The following PIBF1 variants were observed in gnomAD, a reference collection of about 807,000 sequenced individuals.
The protein encoded by PIBF1 is progesterone-induced-blocking factor 1.
In PIBF1, 90 loss-of-function variants were observed where a neutral mutation model predicts 112.5. The ratio of observed to expected loss-of-function variants is 0.80; its 90% CI spans 0.67 to 0.95. The LOEUF (loss-of-function observed/expected upper bound fraction) is 0.95. PIBF1 is among the 40% of genes least tolerant of loss of function. The probability of loss-of-function intolerance (pLI) is 0.00; values close to 1 mark genes in which losing one functional copy is unlikely to be tolerated. For missense variants in PIBF1, 915 were observed against 852.3 expected, an observed-to-expected ratio of 1.07 and a Z score of -0.92; for synonymous variants, 301 against 288.6, an observed-to-expected ratio of 1.04 and a Z score of -0.44.
intron 17 of PIBF1, among the ~76,000 whole-genome samples, 173 bp from the exon 18 acceptor site, chr13:73,015,693 GATT>G (rs2044362717): frequency 6.6e-6 from 1 of 152,166 alleles, no homozygotes; most frequent in Non-Finnish European, 1.5e-5. Context: ...CCAGGTGGGA[GATT>G]ATTTATGGCA....
At chr13:72,918,618 C>T (rs2041183168) in intron 13 of PIBF1, among the ~76,000 whole-genome samples, 1 of 151,880 alleles carries the variant, frequency 6.6e-6, no homozygotes, top group South Asian at 2.1e-4. Context: ...GAACTCCTGG[C>T]CTTGGCCTCA....
chr13:72,915,405 C>T (rs1481353374), intron 12 of PIBF1, among the ~76,000 whole-genome samples: 1 of 152,166 alleles, frequency 6.6e-6, no homozygotes, highest in African/African-American at 2.4e-5. Flanking sequence ...GTAGCATTGA[C>T]CAAGTTGTAT....
intron 10 of PIBF1, among the ~76,000 whole-genome samples, chr13:72,891,497 A>C (rs1388618143): frequency 2.7e-5 from 2 of 75,298 alleles, no homozygotes; most frequent in African/African-American, 6.2e-5. Flanking sequence ...TTTTTTTAGT[A>C]AAAGGTATTT....
At chr13:72,943,982 T>A (rs575987876) in intron 14 of PIBF1, among the ~76,000 whole-genome samples, 1 of 152,332 alleles carries the variant, frequency 6.6e-6, no homozygotes, top group Non-Finnish European at 1.5e-5. Context: ...AACTGGCATA[T>A]GTTAATCACT....
At chr13:72,828,744 C>T (rs9543133) in intron 8 of PIBF1, among the ~76,000 whole-genome samples, 16,796 of 152,182 alleles carry the variant, frequency 0.11, 1,269 homozygotes, top group Non-Finnish European at 0.17. Flanking sequence ...AGTAAACATA[C>T]GTGTGCATGT....
chr13:73,003,816 C>T (rs979928504), intron 17 of PIBF1, among the ~76,000 whole-genome samples: 2 of 152,156 alleles, frequency 1.3e-5, no homozygotes, highest in South Asian at 2.1e-4. Context: ...CTCAAGTGAT[C>T]CTCCCAACTC....
intron 4 of PIBF1, among the ~76,000 whole-genome samples, chr13:72,796,951 T>C (rs1490682741): frequency 6.6e-6 from 1 of 152,208 alleles, no homozygotes; most frequent in East Asian, 1.9e-4. Flanking sequence ...TACCGTCATA[T>C]GTTAAGGAGT....
chr13:72,837,510 A>G (rs897925175), intron 9 of PIBF1, among the ~76,000 whole-genome samples: 8 of 152,118 alleles, frequency 5.3e-5, no homozygotes, highest in African/African-American at 1.9e-4. Context: ...GTTTGCATGT[A>G]TGTGTATAAA....
chr13:72,803,249 GTTTTGTTTTTTGTT>G (rs996471478), intron 5 of PIBF1, among the ~76,000 whole-genome samples: 1 of 139,934 alleles, frequency 7.1e-6, no homozygotes, highest in African/African-American at 3.0e-5. Context: ...TTGTTTTTTT[GTTTTGTTTTTTGTT>G]TTTTGTTTTT....
At chr13:72,786,252 T>A (rs945133221) in intron 2 of PIBF1, among the ~76,000 whole-genome samples, 4 of 152,208 alleles carry the variant, frequency 2.6e-5, no homozygotes, top group African/African-American at 7.2e-5. Context: ...TTTTCTAGTT[T>A]GACTGAAAAT....
At chr13:72,881,813 T>G (rs1394541001) in intron 10 of PIBF1, among the ~76,000 whole-genome samples, 1 of 152,008 alleles carries the variant, frequency 6.6e-6, no homozygotes, top group Non-Finnish European at 1.5e-5. Flanking sequence ...AAAGATATAT[T>G]CCATGTTCAT....
intron 8 of PIBF1, 48 bp from the exon 9 acceptor site, chr13:72,835,195 A>T (rs773049747): frequency 6.9e-7 from 1 of 1,446,168 alleles, no homozygotes; most frequent in Admixed American, 2.6e-5. Context: ...GCAAAAGCCT[A>T]TTTGTTTCAA....
At chr13:72,994,122 A>T (rs1260950306) in intron 16 of PIBF1, among the ~76,000 whole-genome samples, 1 of 44,988 alleles carries the variant, frequency 2.2e-5, no homozygotes, top group Non-Finnish European at 4.3e-5. Context: ...CAAAAAAAAA[A>T]GAAAAAAAAA....
chr13:72,795,654 T>A (rs749752303), intron 4 of PIBF1, 97 bp downstream of exon 4: 16 of 735,276 alleles, frequency 2.2e-5, no homozygotes, highest in Non-Finnish European at 3.6e-5. Flanking sequence ...ACCCAATTGA[T>A]ACATTATTTT....
At chr13:72,814,821 T>C (rs1320809725) in intron 5 of PIBF1, among the ~76,000 whole-genome samples, 1 of 152,122 alleles carries the variant, frequency 6.6e-6, no homozygotes, top group African/African-American at 2.4e-5. Flanking sequence ...GTGTTTGGAA[T>C]TAACTGACAT....
At chr13:72,898,329 T>C (rs2040357140) in intron 11 of PIBF1, among the ~76,000 whole-genome samples, 1 of 151,854 alleles carries the variant, frequency 6.6e-6, no homozygotes, top group African/African-American at 2.4e-5. Flanking sequence ...AAGAGGAAAG[T>C]TGATGGCCCT....
At chr13:72,978,478 G>A (rs1353119279) in intron 16 of PIBF1, among the ~76,000 whole-genome samples, 4 of 152,196 alleles carry the variant, frequency 2.6e-5, no homozygotes, top group Non-Finnish European at 5.9e-5. Flanking sequence ...AAAAACTCAT[G>A]ATGAATTATT....
intron 5 of PIBF1, among the ~76,000 whole-genome samples, chr13:72,799,796 T>C (rs555909984): frequency 6.6e-6 from 1 of 152,308 alleles, no homozygotes; most frequent in South Asian, 2.1e-4. Flanking sequence ...AAGGACTTCT[T>C]ACTGTGTAGT....
intron 11 of PIBF1, among the ~76,000 whole-genome samples, chr13:72,904,642 T>G (rs933163257): frequency 6.6e-6 from 1 of 151,628 alleles, no homozygotes; most frequent in South Asian, 2.1e-4. Context: ...GGTTTTGCCG[T>G]GTTGGCCATG....
Sources: gnomAD v4.1 joint callset for allele counts (sites outside exome capture counted in the v4.1 genomes callset) on GRCh38, gnomAD v4.1.1 for gene constraint, MANE v1.5 for transcripts, NCBI Gene and HGNC (gene_info 2026-07-23, HGNC 2026-07-21) for gene names.